Variants in ADAD1 observed in about 807,000 individuals in gnomAD.
ADAD1 encodes adenosine deaminase domain-containing protein 1.
Under a neutral mutation model 66.8 loss-of-function variants are expected in ADAD1, and 46 were observed. The observed-to-expected ratio is 0.69, with a 90% confidence interval of 0.54 to 0.88. ADAD1 has a LOEUF of 0.88. Among genes scored for constraint, ADAD1 ranks in the 40% least tolerant of loss-of-function variants. The pLI is 0.00. For synonymous variants in ADAD1, 248 were observed against 229.4 expected, an observed-to-expected ratio of 1.08 and a Z score of -0.73; for missense variants, 617 against 681.8, an observed-to-expected ratio of 0.91 and a Z score of 1.06.
intron 4 of ADAD1, 72 bp from the exon 5 acceptor site, chr4:122,383,726 TC>T: frequency 7.0e-7 from 1 of 1,428,506 alleles, no homozygotes; most frequent in Non-Finnish European, 9.3e-7. Context: ...TGGAATGTTT[TC>T]CTATGTACAT....
chr4:122,401,446 G>A (rs1195787522), intron 7 of ADAD1, among the ~76,000 whole-genome samples: 2 of 152,066 alleles, frequency 1.3e-5, no homozygotes, highest in Admixed American at 6.5e-5. Flanking sequence ...TATTCCAGGT[G>A]CTAATAAATA....
chr4:122,393,792 AAAG>A (rs1795568283), intron 6 of ADAD1, 135 bp downstream of exon 6: 2 of 593,832 alleles, frequency 3.4e-6, no homozygotes, highest in Non-Finnish European at 5.1e-6. Context: ...ACTTCTACAA[AAAG>A]AAGAATTTTT....
intron 4 of ADAD1, 26 bp downstream of exon 4, chr4:122,381,206 A>T: frequency 6.5e-7 from 1 of 1,527,870 alleles, no homozygotes; most frequent in Non-Finnish European, 8.7e-7. Flanking sequence ...TATTTGTCTC[A>T]AAAACAAAAC....
intron 7 of ADAD1, among the ~76,000 whole-genome samples, chr4:122,400,756 C>A (rs767685948): frequency 9.2e-5 from 14 of 152,212 alleles, no homozygotes; most frequent in Non-Finnish European, 1.6e-4. Context: ...AGGAATTTAT[C>A]CATCTCTTCT....
At chr4:122,384,080 G>T in intron 5 of ADAD1, 114 bp downstream of exon 5, 1 of 996,610 alleles carries the variant, frequency 1.0e-6, no homozygotes, top group Non-Finnish European at 1.4e-6. Context: ...GAAGTTGCAG[G>T]ATTTGAATAA....
intron 12 of ADAD1, among the ~76,000 whole-genome samples, chr4:122,424,601 CAGA>C (rs1312296851): frequency 6.6e-6 from 1 of 151,932 alleles, no homozygotes; most frequent in Non-Finnish European, 1.5e-5. Flanking sequence ...AAAATACCAA[CAGA>C]AGGATTAAAA....
At position 122,381,057 on chromosome 4, in the gene ADAD1, A is replaced by T. The variant is rs1389217505; in HGVS notation, c.238A>T (p.Lys80Ter). The change falls in exon 4 of 13, where the codon AAA (lysine) becomes TAA (stop). Residue 80 changes from lysine (K) to a stop codon, truncating the protein, a stop_gained. Coordinates refer to ENST00000296513, the MANE Select transcript of ADAD1 (RefSeq NM_139243.4). LOFTEE classifies it high-confidence loss of function. ...TATTTCAAATCCTGTCCTTCCTCCA[A>T]AAAAAATACCTAAGGAATTTATAAT... ...SSISNPVLPP[K>*]KIPKEFIMKY... The T allele has an allele frequency of 1.2e-6, 2 of 1,601,318 alleles. No individual in the cohort carries two copies. Among genetic ancestry groups the T allele is most frequent in the Non-Finnish European group, 1.7e-6 (2 of 1,177,522 alleles).
chr4:122,397,558 C>T (rs940440430), intron 7 of ADAD1, among the ~76,000 whole-genome samples: 2 of 152,042 alleles, frequency 1.3e-5, no homozygotes, highest in African/African-American at 4.8e-5. Context: ...AATATTTAAA[C>T]AATAATTGAC....
rs1003296434 is a variant in ADAD1 at position 122,385,277 on chromosome 4, G to A, written c.529+1311G>A. 6.6e-5 allele frequency among the ~76,000 whole-genome samples: 10 copies of A among 151,296 alleles called. No individual in the cohort carries two copies. The South Asian group carries it at 1.0e-3, about 16-fold the overall frequency. On this transcript the variant is annotated intron_variant, in intron 5 of 12. Coordinates refer to ENST00000296513, the MANE Select transcript of ADAD1 (RefSeq NM_139243.4). The stretch of plus-strand genomic sequence containing the variant: ...ATGGTTTTTTTATGTAGTGTTTTTC[G>A]TTTTGTTTTGTTTGAGACAGAGTCT...
Position 122,391,349 on chromosome 4 carries a change from C to T in ADAD1, c.530-2240C>T, listed in dbSNP as rs185468259. Among the ~76,000 whole-genome samples, 7 of 152,274 alleles carry T rather than the reference C, an allele frequency of 4.6e-5. No individual in the cohort carries two copies. The East Asian group carries it at 9.7e-4, about 21-fold the overall frequency. On this transcript the variant is annotated intron_variant, in intron 5 of 12. Coordinates refer to ENST00000296513, the MANE Select transcript of ADAD1 (RefSeq NM_139243.4). Reference sequence around the variant, plus strand: ...GAATGTCTCACCCAGTTGGGTGGCACGGGGAGCAGGACCCGCTTAACAAGG... The same window carrying T: ...GAATGTCTCACCCAGTTGGGTGGCATGGGGAGCAGGACCCGCTTAACAAGG...
chr4:122,387,782 C>T (rs1359573747), intron 5 of ADAD1, among the ~76,000 whole-genome samples: 7 of 146,766 alleles, frequency 4.8e-5, no homozygotes, highest in South Asian at 4.3e-4. Context: ...TTTTTTGAGA[C>T]GGAGTCTTGC....
At chr4:122,415,682 T>G (rs1796700048) in intron 11 of ADAD1, 66 bp downstream of exon 11, 1 of 1,349,564 alleles carries the variant, frequency 7.4e-7, no homozygotes, top group East Asian at 2.3e-5. Context: ...TATTGCAGTT[T>G]TTATTCTGAC....
chr4:122,429,289 G>T (rs908640039), intron 12 of ADAD1, among the ~76,000 whole-genome samples: 2 of 151,890 alleles, frequency 1.3e-5, no homozygotes. Context: ...AAAAAAAATA[G>T]CAGGGCATGG....
chr4:122,385,126 A>G (rs754712946), intron 5 of ADAD1, among the ~76,000 whole-genome samples: 1 of 152,148 alleles, frequency 6.6e-6, no homozygotes, highest in Non-Finnish European at 1.5e-5. Context: ...ATTATTAACA[A>G]TTTTTCTAGT....
chr4:122,400,893 C>T (rs4416491), intron 7 of ADAD1, among the ~76,000 whole-genome samples: 37,789 of 151,916 alleles, frequency 0.25, 5,696 homozygotes, highest in Middle Eastern at 0.51. Flanking sequence ...CTCTTCTTTT[C>T]TTGGTTAATC....
At chr4:122,416,675 G>A (rs1178901851) in intron 11 of ADAD1, among the ~76,000 whole-genome samples, 1 of 151,856 alleles carries the variant, frequency 6.6e-6, no homozygotes, top group Non-Finnish European at 1.5e-5. Context: ...TGAAGCTGCA[G>A]TGAGCTATGA....
chr4:122,395,936 C>G (rs1795689344), intron 6 of ADAD1, among the ~76,000 whole-genome samples: 1 of 152,178 alleles, frequency 6.6e-6, no homozygotes, highest in African/African-American at 2.4e-5. Context: ...GTGGCACAGT[C>G]CTGTACAACA....
intron 7 of ADAD1, among the ~76,000 whole-genome samples, chr4:122,403,984 C>T (rs988238253): frequency 4.6e-5 from 7 of 152,128 alleles, no homozygotes; most frequent in African/African-American, 1.7e-4. Flanking sequence ...CCTCACCCAG[C>T]CCCCACACAG....
chr4:122,396,379 T>C lies in ADAD1; in HGVS notation c.724+2T>C. 1 of 1,562,452 alleles carries C rather than the reference T, an allele frequency of 6.4e-7. No homozygotes were observed. Among genetic ancestry groups the C allele is most frequent in the South Asian group, 1.2e-5 (1 of 81,110 alleles). On this transcript the variant is annotated splice_donor_variant, in intron 7 of 12. Coordinates refer to ENST00000296513, the MANE Select transcript of ADAD1 (RefSeq NM_139243.4). LOFTEE classifies it high-confidence loss of function. ...TGGCTGCTTTTATAATTGAAAGAGG[T>C]AAGTCCACATATTTGGGAAAAACTA...
Sources: gnomAD v4.1 joint callset for allele counts (sites outside exome capture counted in the v4.1 genomes callset) on GRCh38, gnomAD v4.1.1 for gene constraint, MANE v1.5 for transcripts, NCBI Gene and HGNC (gene_info 2026-07-23, HGNC 2026-07-21) for gene names.